Variants in ZNF366 observed in about 807,000 individuals in gnomAD.
ZNF366 encodes zinc finger protein 366.
ZNF366 carries 20 observed loss-of-function variants against 47.2 expected under a neutral mutation model. The observed-to-expected ratio is 0.42, with a 90% CI of 0.30 to 0.62. The LOEUF is 0.62. ZNF366 is among the 20% of genes least tolerant of loss of function. The pLI is 0.16. For synonymous variants in ZNF366, 421 were observed against 395.1 expected (o/e 1.07, Z -0.78); for missense variants, 987 against 976.3 (o/e 1.01, Z -0.15).
At position 72,461,166 on chromosome 5, in the gene ZNF366, T is replaced by A; in HGVS notation, c.331A>T (p.Asn111Tyr). The A allele has an allele frequency of 6.2e-7, 1 of 1,614,068 alleles. No individual in the cohort carries two copies. Among genetic ancestry groups the A allele is most frequent in the Non-Finnish European group, 8.5e-7 (1 of 1,180,006 alleles). ...SEENKNHGLP[N>Y]LPLLFPQPPR... ...GGCTGCGGGAACAGCAAAGGGAGGT[T>A]GGGAAGGCCGTGGTTTTTGTTCTCC... Residue 111 changes from asparagine to tyrosine, a missense_variant, in exon 2 of 5, where the codon AAC becomes TAC. Physicochemically the swap from Asn to Tyr is moderately radical, Grantham distance 143. This residue lies in a region of ZNF366 where 591 missense variants were observed against 560.9 expected (regional missense o/e 1.05). Transcript: ENST00000318442.
intron 3 of ZNF366, among the ~76,000 whole-genome samples, chr5:72,454,171 T>C (rs1372439914): frequency 6.6e-6 from 1 of 152,164 alleles, no homozygotes; most frequent in Non-Finnish European, 1.5e-5. Flanking sequence ...GGTAAAATAG[T>C]TTCTGAACTG....
chr5:72,485,693 A>G (rs1743877255), intron 1 of ZNF366, among the ~76,000 whole-genome samples: 1 of 152,174 alleles, frequency 6.6e-6, no homozygotes, highest in Non-Finnish European at 1.5e-5. Context: ...CCCCTGCTCA[A>G]AACTCTCTAG....
intron 1 of ZNF366, among the ~76,000 whole-genome samples, chr5:72,476,499 G>T (rs1356563037): frequency 1.3e-5 from 2 of 152,130 alleles, no homozygotes; most frequent in Non-Finnish European, 2.9e-5. Flanking sequence ...GAGACATTCT[G>T]CTGGAAAAAG....
rs763603634 is a variant in ZNF366 at position 72,460,894 on chromosome 5, G to T, written c.603C>A (p.His201Gln). 1.1e-5 allele frequency: 17 copies of T among 1,613,326 alleles called. No homozygotes were observed. The Middle Eastern group carries it at 4.9e-4, about 47-fold the overall frequency. Reference sequence around the variant, plus strand: ...CCGGGGGCTGCTTGGGCAGGAAGGTGTGCCGGCTGAAGGGGAAGGGCGAGG... The same window carrying T: ...CCGGGGGCTGCTTGGGCAGGAAGGTTTGCCGGCTGAAGGGGAAGGGCGAGG... The part of the protein sequence containing the change: ...PSSSPFPFSR[H>Q]TFLPKQPPEP... The change falls in exon 2 of 5, where the codon CAC (histidine) becomes CAA (glutamine). Residue 201 changes from histidine to glutamine, a missense_variant. Physicochemically the swap from His to Gln is conservative, Grantham distance 24. This residue lies in a region of ZNF366 where 591 missense variants were observed against 560.9 expected (regional missense o/e 1.05). Coordinates refer to ENST00000318442, the MANE Select transcript of ZNF366 (RefSeq NM_152625.3).
At chr5:72,479,530 AAT>A (rs1743744458) in intron 1 of ZNF366, among the ~76,000 whole-genome samples, 1 of 152,256 alleles carries the variant, frequency 6.6e-6, no homozygotes, top group South Asian at 2.1e-4. Flanking sequence ...ACAAATAATT[AAT>A]GTTATTGAAC....
chr5:72,492,261 G>C (rs542959348), intron 1 of ZNF366, among the ~76,000 whole-genome samples: 2 of 152,280 alleles, frequency 1.3e-5, no homozygotes, highest in South Asian at 4.1e-4. Context: ...ACTATGCCTA[G>C]AAAATTCTGT....
chr5:72,506,692 C>T (rs1015516341), intron 1 of ZNF366, among the ~76,000 whole-genome samples: 1 of 152,214 alleles, frequency 6.6e-6, no homozygotes, highest in Non-Finnish European at 1.5e-5. Context: ...AAGCTCCCCA[C>T]ATGCAGAACT....
chr5:72,482,760 G>A, intron 1 of ZNF366, among the ~76,000 whole-genome samples: 1 of 151,424 alleles, frequency 6.6e-6, no homozygotes, highest in Non-Finnish European at 1.5e-5. Flanking sequence ...GTGTGTGTGT[G>A]TGTGTGTGTG....
At chr5:72,480,754 T>A (rs1743774695) in intron 1 of ZNF366, among the ~76,000 whole-genome samples, 2 of 152,238 alleles carry the variant, frequency 1.3e-5, no homozygotes, top group African/African-American at 4.8e-5. Context: ...CATTTGAGTC[T>A]TTTTAATAAC....
At chr5:72,448,706 G>A (rs567373620) in intron 3 of ZNF366, among the ~76,000 whole-genome samples, 1 of 152,032 alleles carries the variant, frequency 6.6e-6, no homozygotes, top group African/African-American at 2.4e-5. Context: ...ATATTTTTAG[G>A]GCCAATGCTG....
intron 3 of ZNF366, among the ~76,000 whole-genome samples, chr5:72,452,010 A>G (rs1385627305): frequency 6.6e-6 from 1 of 152,198 alleles, no homozygotes; most frequent in Admixed American, 6.5e-5. Flanking sequence ...GGCCAGAGAC[A>G]GGGTGATAGC....
chr5:72,468,002 G>T (rs114592610), intron 1 of ZNF366, among the ~76,000 whole-genome samples: 42 of 152,242 alleles, frequency 2.8e-4, no homozygotes, highest in African/African-American at 9.9e-4. Flanking sequence ...TCATACAAAA[G>T]ATCTCCTAGT....
At chr5:72,449,975 A>C (rs1743032856) in intron 3 of ZNF366, among the ~76,000 whole-genome samples, 1 of 152,178 alleles carries the variant, frequency 6.6e-6, no homozygotes, top group South Asian at 2.1e-4. Context: ...ATAGGCCAGA[A>C]AGAGGTCATT....
At chr5:72,448,255 G>GTGA (rs386404074) in intron 3 of ZNF366, among the ~76,000 whole-genome samples, 1 of 151,594 alleles carries the variant, frequency 6.6e-6, no homozygotes, top group African/African-American at 2.4e-5. Context: ...AGTATCTCAG[G>GTGA]TGTACAGGAA....
At chr5:72,446,594 A>C (rs1051787592) in intron 4 of ZNF366, among the ~76,000 whole-genome samples, 1 of 152,200 alleles carries the variant, frequency 6.6e-6, no homozygotes, top group Non-Finnish European at 1.5e-5. Context: ...GTGAGGATTC[A>C]GTGGGGGAGG....
intron 4 of ZNF366, 107 bp downstream of exon 4, chr5:72,447,136 G>A: frequency 8.8e-6 from 11 of 1,252,786 alleles, no homozygotes; most frequent in Non-Finnish European, 1.2e-5. Context: ...CTACTCTGCT[G>A]TGGTCTTGAC....
intron 1 of ZNF366, among the ~76,000 whole-genome samples, chr5:72,481,054 C>T (rs889244537): frequency 2.6e-5 from 4 of 152,118 alleles, no homozygotes; most frequent in Non-Finnish European, 5.9e-5. Flanking sequence ...CACCCTAAAA[C>T]GGACAGGTGA....
intron 1 of ZNF366, among the ~76,000 whole-genome samples, chr5:72,503,144 T>C (rs2112359763): frequency 6.6e-6 from 1 of 152,246 alleles, no homozygotes; most frequent in East Asian, 1.9e-4. Context: ...GTGCTATTTA[T>C]ATTGATTTAT....
chr5:72,493,918 C>CTTTTTTTTTTTT (rs70999281), intron 1 of ZNF366, among the ~76,000 whole-genome samples: 9 of 62,508 alleles, frequency 1.4e-4, no homozygotes, highest in Admixed American at 2.5e-4. Context: ...CCATGCCCAG[C>CTTTTTTTTTTTT]TTTTTTTTTT....
Sources: gnomAD v4.1 joint callset for allele counts (sites outside exome capture counted in the v4.1 genomes callset) on GRCh38, gnomAD v4.1.1 for gene constraint, gnomAD v4.1.1 regional missense constraint, MANE v1.5 for transcripts, NCBI Gene and HGNC (gene_info 2026-07-23, HGNC 2026-07-21) for gene names.